Variants in CRAMP1 observed in about 807,000 individuals in gnomAD.
CRAMP1 encodes protein cramped-like.
In CRAMP1, 50 loss-of-function variants were observed where a neutral mutation model predicts 115.4. The ratio of observed to expected loss-of-function variants is 0.43; its 90% CI spans 0.35 to 0.55. The LOEUF is 0.55. CRAMP1 is among the 20% of genes least tolerant of loss of function. CRAMP1 has a pLI of 0.01. For synonymous variants in CRAMP1, 866 were observed against 745.4 expected (o/e 1.16, Z -2.64); for missense variants, 1,679 against 1,721.7 (o/e 0.98, Z 0.44).
chr16:1,656,501 A>G lies in CRAMP1; in HGVS notation c.1744A>G (p.Thr582Ala), dbSNP rs760066089. ...CCCCGAGCAGTGCCGCTGTGCGGAC[A>G]CACGGCCTGGGAGCGAGCAGCCCCC... ...IVPEQCRCADTRPGSEQPPLG... is the reference protein window; with the variant it reads ...IVPEQCRCADARPGSEQPPLG... The change falls in exon 10 of 21, where the codon ACA (threonine) becomes GCA (alanine). Residue 582 changes from threonine to alanine, a missense_variant. Thr to Ala is a moderately conservative substitution (Grantham distance 58). Transcript: ENST00000397412. This position sits in a 1 kb window ranked among gnomAD's most constrained non-coding sequence, Gnocchi z 5.6. The G allele has an allele frequency of 4.5e-5, 71 of 1,570,692 alleles. No homozygotes were observed. Among genetic ancestry groups the G allele is most frequent in the Non-Finnish European group, 6.0e-5 (70 of 1,158,764 alleles).
At chr16:1,639,979 C>CAGG (rs1389481763) in intron 5 of CRAMP1, among the ~76,000 whole-genome samples, 1 of 152,164 alleles carries the variant, frequency 6.6e-6, no homozygotes, top group East Asian at 1.9e-4. Context: ...CCCAGGCTTC[C>CAGG]AACCCTTCAT....
intron 6 of CRAMP1, among the ~76,000 whole-genome samples, chr16:1,651,959 TCA>T (rs757341096): frequency 5.3e-5 from 8 of 149,804 alleles, no homozygotes; most frequent in Admixed American, 2.0e-4. Flanking sequence ...TGGATTGAGG[TCA>T]CACAGAGGTC....
intron 17 of CRAMP1, 133 bp downstream of exon 17, chr16:1,667,533 A>T (rs548531814): frequency 8.3e-6 from 6 of 723,032 alleles, no homozygotes; most frequent in Non-Finnish European, 1.5e-5. Flanking sequence ...CTGTTCTTCC[A>T]CCTGCTGTGC....
chr16:1,615,311 C>G (rs963248266), intron 2 of CRAMP1, among the ~76,000 whole-genome samples: 3 of 152,074 alleles, frequency 2.0e-5, no homozygotes, highest in African/African-American at 7.2e-5. Context: ...GACAATAGTT[C>G]GGAAACGGGA....
rs2036780068 is a variant in CRAMP1 at position 1,656,796 on chromosome 16, T to C, written c.2039T>C (p.Leu680Pro). 12 of 1,548,192 alleles carry C rather than the reference T, an allele frequency of 7.8e-6. No homozygotes were observed. Among genetic ancestry groups the C allele is most frequent in the Non-Finnish European group, 9.6e-6 (11 of 1,145,306 alleles). Residue 680 changes from leucine (L) to proline (P), a missense_variant, in exon 10 of 21, where the codon CTG (leucine) becomes CCG (proline). By Grantham distance (98) the Leu-to-Pro change is moderately conservative. Transcript: ENST00000397412. This position sits in a 1 kb window ranked among gnomAD's most constrained non-coding sequence, Gnocchi z 5.6. ...AQQLREEGWN[L>P]QTSESLTLAE... ...CAGCTCCGTGAGGAGGGCTGGAACCTGCAGACCTCCGAAAGCCTCACGCTG... is the reference window on the plus strand; with the variant it reads ...CAGCTCCGTGAGGAGGGCTGGAACCCGCAGACCTCCGAAAGCCTCACGCTG...
At position 1,623,897 on chromosome 16, in the gene CRAMP1, C is replaced by G. The variant is rs117358409; in HGVS notation, c.347-2076C>G. 5.3e-3 allele frequency among the ~76,000 whole-genome samples: 805 copies of G among 152,354 alleles called. 5 individuals carry two copies. Among genetic ancestry groups the G allele is most frequent in the Non-Finnish European group, 9.1e-3 (617 of 68,046 alleles). The stretch of plus-strand genomic sequence containing the variant: ...CATTTGATTAGCCTGGTTGGTAGCA[C>G]AGAGCATATGCATACCTGAGTTTTG... On this transcript the variant is annotated intron_variant, in intron 2 of 20. Transcript: ENST00000397412.
rs970029788 is a variant in CRAMP1 at position 1,671,556 on chromosome 16, C to A, written c.3645+747C>A. On this transcript the variant is annotated intron_variant, in intron 20 of 20. Transcript: ENST00000397412. This position sits in a 1 kb window ranked among gnomAD's most constrained non-coding sequence, Gnocchi z 5.0. ...AAGTGCAGAGTGGCAGGTGTGTGGGCAGTCGGGTGAGGGCTCTATGGACAG... is the reference window on the plus strand; with the variant it reads ...AAGTGCAGAGTGGCAGGTGTGTGGGAAGTCGGGTGAGGGCTCTATGGACAG... Among the ~76,000 whole-genome samples the A allele has an allele frequency of 6.6e-6, 1 of 152,116 alleles. No homozygotes were observed. The highest frequency in any genetic ancestry group is 1.5e-5 in the Non-Finnish European group (1 of 68,016).
intron 2 of CRAMP1, chr16:1,620,820 C>T (rs1406753036): frequency 5.1e-6 from 2 of 392,372 alleles, no homozygotes; most frequent in Admixed American, 2.6e-5. Flanking sequence ...CAGAGCTGTT[C>T]TGACGGCACG....
intron 6 of CRAMP1, among the ~76,000 whole-genome samples, chr16:1,650,654 A>G (rs986654411): frequency 6.6e-6 from 1 of 152,224 alleles, no homozygotes; most frequent in Non-Finnish European, 1.5e-5. Context: ...AGAGATGAAG[A>G]TGTAATTTTT....
At chr16:1,649,264 T>C (rs12919938) in intron 6 of CRAMP1, among the ~76,000 whole-genome samples, 4 of 151,826 alleles carry the variant, frequency 2.6e-5, no homozygotes, top group Non-Finnish European at 5.9e-5. Context: ...TTCCCAGCAC[T>C]GAAGGCACTC....
intron 10 of CRAMP1, among the ~76,000 whole-genome samples, chr16:1,657,671 A>T (rs931376518): frequency 6.6e-6 from 1 of 152,168 alleles, no homozygotes; most frequent in African/African-American, 2.4e-5. Flanking sequence ...CCCTGAGCCT[A>T]GGGAAGGGTC....
rs141509980 is a variant in CRAMP1, at chr16:1,640,919, C to T, written c.779-220C>T. 6.3e-3 allele frequency among the ~76,000 whole-genome samples: 963 copies of T among 152,076 alleles called. 11 individuals are homozygous for T. Among genetic ancestry groups the T allele is most frequent in the African/African-American group, 0.022 (916 of 41,478 alleles). On this transcript the variant is annotated intron_variant, in intron 5 of 20. Transcript: ENST00000397412. ...GCCTGAGGAGGGGGCCAGGCAGGGG[C>T]GTGCCAGGCTTTCAGGTGAGCGGGG...
At chr16:1,664,995 C>A in intron 13 of CRAMP1, 62 bp from the exon 14 acceptor site, 1 of 1,145,338 alleles carries the variant, frequency 8.7e-7, no homozygotes, top group Non-Finnish European at 1.3e-6. Context: ...TCCTTTGTAA[C>A]TGGGAGTGAT....
In CRAMP1 at chr16:1,675,802, C is replaced by A. The variant is rs1350390262; in HGVS notation, c.*1757C>A. 2 of 152,210 alleles carry A rather than the reference C, an allele frequency of 1.3e-5. No individual in the cohort carries two copies. Among genetic ancestry groups the A allele is most frequent in the East Asian group, 3.8e-4 (2 of 5,204 alleles). 9.4% of individuals were successfully genotyped at this position (152,210 alleles called of 1,614,324 possible). A position where few individuals can be genotyped will look rare whatever the true frequency, so the allele number is the denominator to read the frequency against. ...ACATGAGATCTTAAGCAAACAGTCC[C>A]AAACCTCTTAGGGGTGAAAAAAGAA... On this transcript the variant is annotated 3_prime_UTR_variant, in exon 21 of 21. Transcript: ENST00000397412.
chr16:1,669,188 C>T lies in CRAMP1; in HGVS notation c.3499+23C>T, dbSNP rs747000016. ...TTGGTGAGTGTATGGGGAGGGCTCCCATCTCCTTTTCCAGGGCAGCAGGGG... is the reference window on the plus strand; with the variant it reads ...TTGGTGAGTGTATGGGGAGGGCTCCTATCTCCTTTTCCAGGGCAGCAGGGG... On this transcript the variant is annotated intron_variant, in intron 19 of 20. Transcript: ENST00000397412. This position sits in a 1 kb window ranked among gnomAD's most constrained non-coding sequence, Gnocchi z 4.6. 8 of 1,540,734 alleles carry T rather than the reference C, an allele frequency of 5.2e-6. No homozygotes were observed. The South Asian group carries it at 7.4e-5, about 14-fold the overall frequency.
chr16:1,622,735 A>C (rs113212170), intron 2 of CRAMP1, among the ~76,000 whole-genome samples: 1 of 148,580 alleles, frequency 6.7e-6, no homozygotes, highest in Non-Finnish European at 1.5e-5. Flanking sequence ...GGTGTGTGCC[A>C]CCACGCCCGG....
Position 1,674,149 on chromosome 16 carries a change from G to A in CRAMP1, c.*104G>A. On this transcript the variant is annotated 3_prime_UTR_variant, in exon 21 of 21. Coordinates refer to ENST00000397412, the MANE Select transcript of CRAMP1 (RefSeq NM_020825.4). ...TGAACAGAGGCATCTCCGCACCCAA[G>A]ACTGTGCAACGGGCAGGAACGTGGT... The A allele has an allele frequency of 8.5e-7, 1 of 1,180,810 alleles. No individual in the cohort carries two copies. Among genetic ancestry groups the A allele is most frequent in the South Asian group, 1.5e-5 (1 of 66,898 alleles). 73.1% of individuals were successfully genotyped at this position (1,180,810 alleles called of 1,614,324 possible).
intron 5 of CRAMP1, among the ~76,000 whole-genome samples, chr16:1,640,019 C>T (rs547002330): frequency 2.8e-4 from 43 of 152,132 alleles, no homozygotes; most frequent in Non-Finnish European, 5.9e-4. Context: ...GGCACGGTGA[C>T]CCTGTGGCAT....
In CRAMP1 at chr16:1,670,712, T is replaced by C. The variant is rs59339153; in HGVS notation, c.3548T>C (p.Ile1183Thr). The C allele has an allele frequency of 5.7e-3, 9,175 of 1,613,930 alleles. 440 individuals carry two copies. The African/African-American group carries it at 0.1, about 18-fold the overall frequency. The change falls in exon 20 of 21, where the codon ATT (isoleucine) becomes ACT (threonine). Residue 1183 changes from isoleucine to threonine, a missense_variant. Around this residue, in one of 8 missense-constraint regions of CRAMP1, gnomAD observed 709 missense variants for 741.9 expected, o/e 0.96. Coordinates refer to ENST00000397412, the MANE Select transcript of CRAMP1 (RefSeq NM_020825.4). ...AGCCGGAAGATGTTGCCGACTCCCA[T>C]TGGGACCAACAGTGGCACTTCCTTG... Reference protein sequence around the residue: ...EKSRKMLPTPIGTNSGTSLLG... With the variant: ...EKSRKMLPTPTGTNSGTSLLG...
Sources: gnomAD v4.1 joint callset for allele counts (sites outside exome capture counted in the v4.1 genomes callset) on GRCh38, gnomAD v4.1.1 for gene constraint, gnomAD v4.1.1 regional missense constraint, Gnocchi (gnomAD v3.1) non-coding constraint, MANE v1.5 for transcripts, NCBI Gene and HGNC (gene_info 2026-07-23, HGNC 2026-07-21) for gene names.